The following TMEFF1 variants were observed in gnomAD, a reference collection of about 807,000 sequenced individuals.
The protein encoded by TMEFF1 is transmembrane protein with EGF like and two follistatin like domains 1, also known as tomoregulin-1.
A neutral mutation model predicts 47.5 loss-of-function variants in TMEFF1; 20 were observed. That is an observed-to-expected ratio of 0.42 (90% CI 0.30 to 0.61). The LOEUF (loss-of-function observed/expected upper bound fraction) is 0.61. Among genes scored for constraint, TMEFF1 ranks in the 20% least tolerant of loss-of-function variants. TMEFF1 has a pLI of 0.19. For missense variants in TMEFF1, 411 were observed against 471.1 expected, an observed-to-expected ratio of 0.87 and a Z score of 1.18; for synonymous variants, 162 against 166.3, an observed-to-expected ratio of 0.97 and a Z score of 0.20.
intron 8 of TMEFF1, among the ~76,000 whole-genome samples, chr9:100,565,065 G>C (rs555792412): frequency 6.6e-6 from 1 of 152,222 alleles, no homozygotes; most frequent in Non-Finnish European, 1.5e-5. Context: ...TCAGTTTGAC[G>C]TGCTTGGTCT....
In TMEFF1 at chr9:100,522,115, T is replaced by C. The variant is rs572663733; in HGVS notation, c.560+5344T>C. Among the ~76,000 whole-genome samples the C allele has an allele frequency of 7.0e-4, 107 of 152,334 alleles. No homozygotes were observed. The Middle Eastern group carries it at 0.01, about 15-fold the overall frequency. Reference sequence around the variant, plus strand: ...AACAGAGTAATGCTACACATTTGTGTCCTGCAATATATCCTCCTTTCTGGA... The same window carrying C: ...AACAGAGTAATGCTACACATTTGTGCCCTGCAATATATCCTCCTTTCTGGA... On this transcript the variant is annotated intron_variant, in intron 5 of 9. Transcript: ENST00000374879.
Position 100,543,706 on chromosome 9 carries a change from C to A in TMEFF1, c.561-4038C>A, listed in dbSNP as rs13284718. 9.9e-3 allele frequency among the ~76,000 whole-genome samples: 866 copies of A among 87,092 alleles called. 6 individuals are homozygous for A. The highest frequency in any genetic ancestry group is 0.016 in the Non-Finnish European group (663 of 40,326). The allele number at this position is 87,092 out of a possible 152,430, so 57.1% of individuals were successfully genotyped here. ...CACTAACATAGCTGATGAAGTAAAACACACACACACACACACACACACACA... is the reference window on the plus strand; with the variant it reads ...CACTAACATAGCTGATGAAGTAAAAAACACACACACACACACACACACACA... On this transcript the variant is annotated intron_variant, in intron 5 of 9. Coordinates refer to ENST00000374879, the MANE Select transcript of TMEFF1 (RefSeq NM_003692.5).
At chr9:100,484,811 T>C (rs1477818626) in intron 1 of TMEFF1, among the ~76,000 whole-genome samples, 1 of 151,426 alleles carries the variant, frequency 6.6e-6, no homozygotes, top group African/African-American at 2.4e-5. Context: ...TACCTCGGCA[T>C]GAGATTCAGG....
At chr9:100,508,073 C>A (rs1837893125) in intron 2 of TMEFF1, among the ~76,000 whole-genome samples, 1 of 152,118 alleles carries the variant, frequency 6.6e-6, no homozygotes, top group African/African-American at 2.4e-5. Flanking sequence ...TAGTGGACAA[C>A]CCTGATTGCT....
intron 5 of TMEFF1, among the ~76,000 whole-genome samples, chr9:100,524,150 T>TA (rs57598059): frequency 0.19 from 27,263 of 146,828 alleles, 2,592 homozygotes; most frequent in South Asian, 0.33. Context: ...TTCTTTTATT[T>TA]AAAAAAAAAA....
rs146203800 is a variant in TMEFF1 at position 100,480,840 on chromosome 9, A to G, written c.196+7100A>G. On this transcript the variant is annotated intron_variant, in intron 1 of 9. Transcript: ENST00000374879. ...TTAATAGATCAATGATCACTCTTGT[A>G]TATGTTTGAAAAGAGGATTTCCACT... Among the ~76,000 whole-genome samples the G allele has an allele frequency of 2.2e-3, 340 of 152,342 alleles. 1 individual carries two copies. The highest frequency in any genetic ancestry group is 7.7e-3 in the African/African-American group (322 of 41,582).
chr9:100,563,468 C>T (rs10989156), intron 8 of TMEFF1, among the ~76,000 whole-genome samples: 5 of 152,044 alleles, frequency 3.3e-5, no homozygotes, highest in East Asian at 1.9e-4. Context: ...AGGATTGAAT[C>T]GTGTACAGGT....
chr9:100,496,655 G>A (rs953161032), intron 1 of TMEFF1, among the ~76,000 whole-genome samples: 16 of 152,166 alleles, frequency 1.1e-4, no homozygotes, highest in Admixed American at 2.0e-4. Context: ...CTGGTGGCAG[G>A]GATGGTTTAG....
intron 5 of TMEFF1, among the ~76,000 whole-genome samples, chr9:100,526,202 C>T (rs745849466): frequency 1.5e-4 from 23 of 152,112 alleles, no homozygotes; most frequent in Non-Finnish European, 3.4e-4. Context: ...TAAAGCCATT[C>T]TAATTCTTGA....
chr9:100,539,873 G>A (rs1366412206), intron 5 of TMEFF1, among the ~76,000 whole-genome samples: 1 of 152,164 alleles, frequency 6.6e-6, no homozygotes, highest in Non-Finnish European at 1.5e-5. Flanking sequence ...ACATAGCACT[G>A]ATTGGTCCGT....
chr9:100,561,310 T>C (rs1007879064), intron 7 of TMEFF1, 87 bp from the exon 8 acceptor site: 1 of 1,538,980 alleles, frequency 6.5e-7, no homozygotes, highest in Admixed American at 2.0e-5. Flanking sequence ...AGTGGGTGAA[T>C]TCATTTGCTG....
chr9:100,566,393 TCTCC>T (rs1477012993), intron 8 of TMEFF1, among the ~76,000 whole-genome samples: 2 of 152,308 alleles, frequency 1.3e-5, no homozygotes, highest in East Asian at 3.9e-4. Context: ...CCAAAGCTGA[TCTCC>T]TGATCTGCTC....
At chr9:100,509,792 G>A (rs1317170769) in intron 3 of TMEFF1, among the ~76,000 whole-genome samples, 1 of 145,694 alleles carries the variant, frequency 6.9e-6, no homozygotes, top group African/African-American at 2.6e-5. Context: ...AAAAAAAAAA[G>A]GTGAGGAATT....
chr9:100,552,457 G>A (rs1321765155), intron 7 of TMEFF1, among the ~76,000 whole-genome samples: 1 of 152,082 alleles, frequency 6.6e-6, no homozygotes, highest in African/African-American at 2.4e-5. Context: ...TTGGAATAAA[G>A]TAAGGGAGGA....
chr9:100,495,066 CA>C (rs1454984783), intron 1 of TMEFF1, among the ~76,000 whole-genome samples: 1 of 151,670 alleles, frequency 6.6e-6, no homozygotes, highest in Admixed American at 6.6e-5. Flanking sequence ...TTTTCGTTTG[CA>C]AATGAGAAAA....
chr9:100,551,239 A>G (rs890199635), intron 7 of TMEFF1, among the ~76,000 whole-genome samples: 1 of 152,262 alleles, frequency 6.6e-6, no homozygotes, highest in African/African-American at 2.4e-5. Context: ...TAAAAACTAA[A>G]TGAGATAATA....
chr9:100,542,229 T>C (rs1353052970), intron 5 of TMEFF1, among the ~76,000 whole-genome samples: 1 of 152,202 alleles, frequency 6.6e-6, no homozygotes, highest in East Asian at 1.9e-4. Context: ...ATTTCCTTAA[T>C]GTCACTGTTC....
In TMEFF1 at chr9:100,550,114, G is replaced by A. The variant is rs1250349733; in HGVS notation, c.729G>A (p.Leu243=). ...TTACAGATACAGATGACACTAGTTT[G>A]TTGGGAAAGAAAGATGATGGACTAC... is the stretch of plus-strand genomic sequence containing the variant. ...GHCTDTDDTS[L]LGKKDDGLQY... is the part of the protein sequence containing the mutation. Residue 243 remains leucine, a synonymous_variant, in exon 7 of 10, where the codon TTG becomes TTA. Transcript: ENST00000374879. 6 of 1,611,526 alleles carry A rather than the reference G, an allele frequency of 3.7e-6. No individual in the cohort carries two copies. The highest frequency in any genetic ancestry group is 5.1e-6 in the Non-Finnish European group (6 of 1,179,034).
intron 1 of TMEFF1, among the ~76,000 whole-genome samples, chr9:100,495,438 CCT>C (rs532770566): frequency 1.6e-3 from 242 of 152,182 alleles, no homozygotes; most frequent in African/African-American, 5.3e-3. Flanking sequence ...AGTTTTGTCC[CCT>C]GTCTCTTGAA....
Sources: allele counts gnomAD v4.1 joint callset (sites outside exome capture counted in the v4.1 genomes callset), GRCh38; gene constraint gnomAD v4.1.1; transcripts MANE v1.5; gene names NCBI Gene and HGNC (gene_info 2026-07-23, HGNC 2026-07-21).